Variants in SMARCA2 observed in about 807,000 individuals in gnomAD.
The protein encoded by SMARCA2 is SWI/SNF related BAF chromatin remodeling complex subunit ATPase 2.
A neutral mutation model predicts 199.8 loss-of-function variants in SMARCA2; 61 were observed. The observed-to-expected ratio is 0.31, with a 90% CI of 0.25 to 0.38. The LOEUF is 0.38. Ranked by LOEUF, SMARCA2 falls within the 10% of genes least tolerant of loss-of-function variation. The pLI, the probability that SMARCA2 is intolerant of heterozygous loss-of-function variation, is 1.00. For missense variants in SMARCA2, 1,344 were observed against 2,012.2 expected, an observed-to-expected ratio of 0.67 and a Z score of 6.35; for synonymous variants, 935 against 732.0, an observed-to-expected ratio of 1.28 and a Z score of -4.48.
At chr9:2,093,312 C>T (rs1049966035) in intron 19 of SMARCA2, among the ~76,000 whole-genome samples, 4 of 152,186 alleles carry the variant, frequency 2.6e-5, no homozygotes, top group African/African-American at 9.7e-5. Context: ...GATGTTAGAA[C>T]AATCATATAT....
intron 27 of SMARCA2, among the ~76,000 whole-genome samples, chr9:2,132,263 G>A (rs1225472636): frequency 1.3e-5 from 2 of 152,222 alleles, no homozygotes; most frequent in African/African-American, 4.8e-5. Context: ...GAGGTGGGCT[G>A]TGGATTTTTC....
At position 2,116,061 on chromosome 9, in the gene SMARCA2, A is replaced by G; in HGVS notation, c.3684+12A>G. The G allele has an allele frequency of 2.5e-6, 4 of 1,584,344 alleles. No homozygotes were observed. The highest frequency in any genetic ancestry group is 3.5e-6 in the Non-Finnish European group (4 of 1,153,954). On this transcript the variant is annotated intron_variant, in intron 25 of 33. Coordinates refer to ENST00000349721, the MANE Select transcript of SMARCA2 (RefSeq NM_003070.5). ...AGGAGGAAAATGAGGTATTAGAGAAAACCCCAAGTTTATGAAATCAAACAG... is the reference window on the plus strand; with the variant it reads ...AGGAGGAAAATGAGGTATTAGAGAAGACCCCAAGTTTATGAAATCAAACAG...
intron 18 of SMARCA2, chr9:2,087,351 T>A (rs1243922025): frequency 2.4e-6 from 1 of 410,948 alleles, no homozygotes; most frequent in Non-Finnish European, 4.5e-6. Context: ...AATGCTTAAC[T>A]GCAGTGGGCC....
chr9:2,058,198 A>G (rs1563738308), intron 7 of SMARCA2, 93 bp from the exon 8 acceptor site: 1 of 1,085,434 alleles, frequency 9.2e-7, no homozygotes, highest in Non-Finnish European at 1.4e-6. Context: ...TGTTAAACAC[A>G]CACTGAGAGT....
intron 27 of SMARCA2, chr9:2,160,076 T>C (rs1586770287): frequency 1.2e-6 from 1 of 819,096 alleles, no homozygotes; most frequent in East Asian, 2.7e-5. Context: ...ATGCTGTATT[T>C]ATTATTAGCA....
chr9:2,180,048 G>C (rs1041750988), intron 29 of SMARCA2, among the ~76,000 whole-genome samples: 1 of 152,152 alleles, frequency 6.6e-6, no homozygotes, highest in Non-Finnish European at 1.5e-5. Flanking sequence ...ATACTATGTG[G>C]CATAAGTTAG....
chr9:2,154,992 C>A (rs1825273929), intron 27 of SMARCA2, among the ~76,000 whole-genome samples: 1 of 152,114 alleles, frequency 6.6e-6, no homozygotes, highest in African/African-American at 2.4e-5. Flanking sequence ...TGCAGTTCTC[C>A]ATTGTTTCTC....
chr9:2,089,749 C>G (rs1821969994), intron 19 of SMARCA2, among the ~76,000 whole-genome samples: 1 of 152,152 alleles, frequency 6.6e-6, no homozygotes, highest in Non-Finnish European at 1.5e-5. Flanking sequence ...CCTTTCTGTT[C>G]AAGATGGAGT....
At chr9:2,138,179 A>G (rs1471072763) in intron 27 of SMARCA2, among the ~76,000 whole-genome samples, 2 of 124,420 alleles carry the variant, frequency 1.6e-5, no homozygotes, top group African/African-American at 9.7e-5. Flanking sequence ...AAACAACAAC[A>G]ACAACAAAAA....
intron 32 of SMARCA2, among the ~76,000 whole-genome samples, chr9:2,190,045 C>G (rs561965462): frequency 1.3e-5 from 2 of 152,300 alleles, no homozygotes; most frequent in Admixed American, 1.3e-4. Context: ...CCTTCATCAT[C>G]AAATACCAAA....
At chr9:2,190,205 A>G (rs1240758752) in intron 32 of SMARCA2, among the ~76,000 whole-genome samples, 1 of 152,216 alleles carries the variant, frequency 6.6e-6, no homozygotes, top group African/African-American at 2.4e-5. Context: ...GTGAAGGTGG[A>G]AATGGGTGCA....
rs1345015919 is a variant in SMARCA2, at chr9:2,117,091, C to G, written c.3684+1042C>G. Among the ~76,000 whole-genome samples, 5 of 152,148 alleles carry G rather than the reference C, an allele frequency of 3.3e-5. No homozygotes were observed. In the East Asian group the frequency reaches 9.6e-4, roughly 29 times the overall value. ...TGAAAATATCAGGACATGGCCCCAT[C>G]TTAAGTCTAGTGGAGTACTGAATGT... is the stretch of plus-strand genomic sequence containing the variant. On this transcript the variant is annotated intron_variant, in intron 25 of 33. Transcript: ENST00000349721.
At position 2,110,504 on chromosome 9, in the gene SMARCA2, G is replaced by C. The variant is rs574592065; in HGVS notation, c.3456+87G>C. On this transcript the variant is annotated intron_variant, in intron 24 of 33. Coordinates refer to ENST00000349721, the MANE Select transcript of SMARCA2 (RefSeq NM_003070.5). The surrounding 1 kb of genome is among the most constrained non-coding windows in gnomAD (Gnocchi z 4.8). ...TTTCATTATTCACATTTACAGGACAGAGCAAATATCTAAACGAGTGGGCTG... is the reference window on the plus strand; with the variant it reads ...TTTCATTATTCACATTTACAGGACACAGCAAATATCTAAACGAGTGGGCTG... 4 of 1,103,852 alleles carry C rather than the reference G, an allele frequency of 3.6e-6. No individual in the cohort carries two copies. In the East Asian group the frequency reaches 1.0e-4, roughly 29 times the overall value. The allele number at this position is 1,103,852 out of a possible 1,614,324, so 68.4% of individuals were successfully genotyped here.
chr9:2,074,849 A>G (rs1455377195), intron 12 of SMARCA2, among the ~76,000 whole-genome samples: 1 of 152,236 alleles, frequency 6.6e-6, no homozygotes, highest in Non-Finnish European at 1.5e-5. Flanking sequence ...TGGGTGACAG[A>G]GCAAGATCCT....
chr9:2,102,302 C>T (rs186802293), intron 22 of SMARCA2, among the ~76,000 whole-genome samples: 1 of 152,302 alleles, frequency 6.6e-6, no homozygotes, highest in East Asian at 1.9e-4. Context: ...TTCCCTACCT[C>T]TCCTTGCCTC....
Position 2,104,810 on chromosome 9 carries a change from A to T in SMARCA2, c.3292+641A>T, listed in dbSNP as rs1160314561. On this transcript the variant is annotated intron_variant, in intron 23 of 33. Transcript: ENST00000349721. This position sits in a 1 kb window ranked among gnomAD's most constrained non-coding sequence, Gnocchi z 4.0. ...TGATTTTAGGGATAATCCCTAAATT[A>T]TTTTACGATTTGGATATCAGCCATA... 6.6e-6 allele frequency among the ~76,000 whole-genome samples: 1 copy of T among 152,330 alleles called. No individual in the cohort carries two copies. Among genetic ancestry groups the T allele is most frequent in the Middle Eastern group, 3.4e-3 (1 of 294 alleles).
chr9:2,107,331 T>A (rs183514793), intron 23 of SMARCA2, among the ~76,000 whole-genome samples: 385 of 152,278 alleles, frequency 2.5e-3, no homozygotes, highest in East Asian at 5.0e-3. Context: ...AATTTAATTT[T>A]ATTTTATTTT....
At chr9:2,172,689 C>T (rs187949024) in intron 29 of SMARCA2, among the ~76,000 whole-genome samples, 41 of 152,188 alleles carry the variant, frequency 2.7e-4, no homozygotes, top group Non-Finnish European at 2.9e-4. Context: ...CTGTAGTCAT[C>T]GCAGTGACTG....
chr9:2,140,329 A>G (rs974628637), intron 27 of SMARCA2, among the ~76,000 whole-genome samples: 6 of 152,234 alleles, frequency 3.9e-5, no homozygotes, highest in Non-Finnish European at 7.3e-5. Flanking sequence ...ATGTCATGGT[A>G]TATCATTTGA....
Sources: gnomAD v4.1 joint callset for allele counts (sites outside exome capture counted in the v4.1 genomes callset) on GRCh38, gnomAD v4.1.1 for gene constraint, Gnocchi (gnomAD v3.1) non-coding constraint, MANE v1.5 for transcripts, NCBI Gene and HGNC (gene_info 2026-07-23, HGNC 2026-07-21) for gene names.